The following ABCC1 variants were observed in gnomAD, a reference collection of about 807,000 sequenced individuals.
The protein encoded by ABCC1 is multidrug resistance-associated protein 1.
ABCC1 carries 83 observed loss-of-function variants against 172.9 expected under a neutral mutation model. The observed-to-expected ratio is 0.48, with a 90% CI of 0.40 to 0.58. The LOEUF (loss-of-function observed/expected upper bound fraction) is 0.58. Ranked by LOEUF, ABCC1 falls within the 20% of genes least tolerant of loss-of-function variation. The probability of loss-of-function intolerance (pLI) is 0.00; values close to 1 mark genes in which losing one functional copy is unlikely to be tolerated. For synonymous variants in ABCC1, 937 were observed against 825.2 expected (o/e 1.14, Z -2.32); for missense variants, 1,817 against 2,002.7 (o/e 0.91, Z 1.77).
At chr16:15,949,867 C>A in intron 1 of ABCC1, 68 bp downstream of exon 1, 1 of 1,147,392 alleles carries the variant, frequency 8.7e-7, no homozygotes, top group South Asian at 4.3e-5. Context: ...AAGCACCGGG[C>A]CCGCAGCCGC....
intron 27 of ABCC1, among the ~76,000 whole-genome samples, chr16:16,132,477 GGAA>G (rs1406961810): frequency 1.4e-5 from 2 of 144,502 alleles, no homozygotes; most frequent in African/African-American, 5.1e-5. Flanking sequence ...CCTGGCCCCT[GGAA>G]GAAGTTCTTT....
At chr16:15,977,288 T>G (rs967399700) in intron 1 of ABCC1, among the ~76,000 whole-genome samples, 2 of 152,222 alleles carry the variant, frequency 1.3e-5, no homozygotes, top group Admixed American at 6.5e-5. Context: ...TTTCCTGGTT[T>G]GAATCCTAAG....
chr16:16,082,388 G>T (rs948296213), intron 16 of ABCC1, among the ~76,000 whole-genome samples: 32 of 152,158 alleles, frequency 2.1e-4, no homozygotes, highest in African/African-American at 7.7e-4. Context: ...TTTGAGACCA[G>T]GCTTAGCAAC....
intron 8 of ABCC1, 45 bp from the exon 9 acceptor site, chr16:16,045,791 C>T (rs766610417): frequency 7.2e-5 from 114 of 1,593,386 alleles, no homozygotes; most frequent in Non-Finnish European, 9.5e-5. Flanking sequence ...TCCCTGCCCC[C>T]ACGTGTCACA....
Position 16,068,194 on chromosome 16 carries a change from C to T in ABCC1, c.1716C>T (p.Asp572=), listed in dbSNP as rs766460837. 1.3e-5 allele frequency: 21 copies of T among 1,614,040 alleles called. 1 individual carries two copies. Among genetic ancestry groups the T allele is most frequent in the Middle Eastern group, 1.6e-4 (1 of 6,084 alleles). ...CATTTGCCGTCTACGTGACCATTGACGAGAACAACATCCTGGATGCCCAGA... is the reference window on the plus strand; with the variant it reads ...CATTTGCCGTCTACGTGACCATTGATGAGAACAACATCCTGGATGCCCAGA... ...LCTFAVYVTI[D]ENNILDAQTA... is the part of the protein sequence containing the mutation. The change falls in exon 13 of 31, where the codon GAC becomes GAT. Residue 572 remains aspartate, a synonymous_variant. Coordinates refer to ENST00000399410, the MANE Select transcript of ABCC1 (RefSeq NM_004996.4).
At chr16:16,126,542 C>T (rs774236634) in intron 26 of ABCC1, among the ~76,000 whole-genome samples, 2 of 152,076 alleles carry the variant, frequency 1.3e-5, no homozygotes, top group Non-Finnish European at 2.9e-5. Flanking sequence ...TGTCATCATG[C>T]CTGGCTAATT....
Position 15,992,317 on chromosome 16 carries a change from T to C in ABCC1, c.49-15499T>C, listed in dbSNP as rs151306467. 2.6e-5 allele frequency among the ~76,000 whole-genome samples: 4 copies of C among 152,204 alleles called. No homozygotes were observed. In the East Asian group the frequency reaches 7.7e-4, roughly 29 times the overall value. ...TCATAGAAATAAAGTGCACAATAAA[T>C]GTAATGCACTCGAATCATCCCCTAC... On this transcript the variant is annotated intron_variant, in intron 1 of 30. Transcript: ENST00000399410.
In ABCC1 at chr16:16,138,594, G is replaced by C. The variant is rs766194992; in HGVS notation, c.4487+36G>C. 24 of 1,492,548 alleles carry C rather than the reference G, an allele frequency of 1.6e-5. No individual in the cohort carries two copies. In the Admixed American group the frequency reaches 3.1e-4, roughly 19 times the overall value. 92.5% of individuals were successfully genotyped at this position (1,492,548 alleles called of 1,614,324 possible). A position where few individuals can be genotyped will look rare whatever the true frequency, so the allele number is the denominator to read the frequency against. On this transcript the variant is annotated intron_variant, in intron 30 of 30. Coordinates refer to ENST00000399410, the MANE Select transcript of ABCC1 (RefSeq NM_004996.4). The stretch of plus-strand genomic sequence containing the variant: ...TGGCACAGTGGCCTCTAGGCTTTGG[G>C]AGTTTGCCTTACTCACTGGCTCACT...
upstream of ABCC1, among the ~76,000 whole-genome samples, chr16:15,949,340 G>C (rs2045793223): frequency 1.3e-5 from 2 of 152,036 alleles, no homozygotes; most frequent in African/African-American, 2.4e-5. Context: ...GTCGCAGGGT[G>C]TGTGGCCCCA....
chr16:15,981,857 C>A (rs150155017), intron 1 of ABCC1, among the ~76,000 whole-genome samples: 1 of 152,130 alleles, frequency 6.6e-6, no homozygotes, highest in African/African-American at 2.4e-5. Flanking sequence ...CTTTTATGCT[C>A]TGCTTCCTCT....
chr16:16,112,906 AG>A (rs1259654653), intron 22 of ABCC1, among the ~76,000 whole-genome samples: 2 of 152,172 alleles, frequency 1.3e-5, no homozygotes, highest in African/African-American at 4.8e-5. Flanking sequence ...GACCAGTAGG[AG>A]GTCCCATAGC....
At chr16:16,135,152 C>G (rs1169208720) in intron 28 of ABCC1, among the ~76,000 whole-genome samples, 1 of 152,188 alleles carries the variant, frequency 6.6e-6, no homozygotes, top group African/African-American at 2.4e-5. Flanking sequence ...CTTCCAAGAG[C>G]TAGACAAGAA....
intron 1 of ABCC1, among the ~76,000 whole-genome samples, chr16:15,991,161 C>G (rs974929180): frequency 6.6e-6 from 1 of 151,984 alleles, no homozygotes; most frequent in Admixed American, 6.6e-5. Context: ...GCTGTCGTCT[C>G]TAGTTCAGCA....
chr16:16,120,555 G>C (rs998913938), intron 23 of ABCC1, among the ~76,000 whole-genome samples: 1 of 152,154 alleles, frequency 6.6e-6, no homozygotes, highest in African/African-American at 2.4e-5. Context: ...CTTGTGAAAC[G>C]TATCATCGTA....
chr16:16,008,119 A>G (rs1442015411), intron 2 of ABCC1, 127 bp downstream of exon 2: 3 of 973,874 alleles, frequency 3.1e-6, no homozygotes, highest in East Asian at 5.2e-5. Context: ...AGAAGGCAGA[A>G]GAATAATGTG....
At position 16,048,046 on chromosome 16, in the gene ABCC1, C is replaced by A; in HGVS notation, c.1219-96C>A. On this transcript the variant is annotated intron_variant, in intron 9 of 30. Coordinates refer to ENST00000399410, the MANE Select transcript of ABCC1 (RefSeq NM_004996.4). ...GGAGGAGAGATCTGCGGCATTTCTGCCCCTGAGAGTCTCCTTCCTCTCCGT... is the reference window on the plus strand; with the variant it reads ...GGAGGAGAGATCTGCGGCATTTCTGACCCTGAGAGTCTCCTTCCTCTCCGT... 4 of 1,443,784 alleles carry A rather than the reference C, an allele frequency of 2.8e-6. No homozygotes were observed. The South Asian group carries it at 5.0e-5, about 18-fold the overall frequency. 89.4% of individuals were successfully genotyped at this position (1,443,784 alleles called of 1,614,324 possible). A position where few individuals can be genotyped will look rare whatever the true frequency, so the allele number is the denominator to read the frequency against.
At chr16:15,952,716 TAAAAAAA>T (rs57105111) in intron 1 of ABCC1, among the ~76,000 whole-genome samples, 38 of 40,284 alleles carry the variant, frequency 9.4e-4, no homozygotes, top group African/African-American at 4.3e-3. Context: ...GTGAGTTCAT[TAAAAAAA>T]AAAAAAAAAA....
intron 2 of ABCC1, among the ~76,000 whole-genome samples, chr16:16,008,884 A>ACT (rs904373745): frequency 3.3e-5 from 5 of 149,464 alleles, no homozygotes; most frequent in Non-Finnish European, 7.4e-5. Context: ...GATACCAGGA[A>ACT]CTGCTGCCTG....
At chr16:16,024,911 G>T (rs991496164) in intron 5 of ABCC1, among the ~76,000 whole-genome samples, 3 of 152,114 alleles carry the variant, frequency 2.0e-5, no homozygotes, top group Admixed American at 1.3e-4. Flanking sequence ...CAGGTGCGTG[G>T]CTCACACCTG....
Sources: gnomAD v4.1 joint callset for allele counts (sites outside exome capture counted in the v4.1 genomes callset) on GRCh38, gnomAD v4.1.1 for gene constraint, MANE v1.5 for transcripts, NCBI Gene and HGNC (gene_info 2026-07-23, HGNC 2026-07-21) for gene names.